The following THSD4 variants were observed in gnomAD, a reference collection of about 807,000 sequenced individuals.
The protein encoded by THSD4 is thrombospondin type 1 domain containing 4.
In THSD4, 69 loss-of-function variants were observed where a neutral mutation model predicts 119.0. The ratio of observed to expected loss-of-function variants is 0.58; its 90% CI spans 0.48 to 0.71. The LOEUF is 0.71. THSD4 is among the 30% of genes least tolerant of loss of function. The pLI is 0.00. For synonymous variants in THSD4, 524 were observed against 540.4 expected, an observed-to-expected ratio of 0.97 and a Z score of 0.42; for missense variants, 1,393 against 1,391.1, an observed-to-expected ratio of 1.00 and a Z score of -0.02.
In THSD4 at chr15:71,782,530, A is replaced by C. The variant is rs1395601831; in HGVS notation, c.*5156A>C. The C allele has an allele frequency of 1.3e-5, 2 of 152,214 alleles. No individual in the cohort carries two copies. The highest frequency in any genetic ancestry group is 2.9e-5 in the Non-Finnish European group (2 of 68,038). 9.4% of individuals were successfully genotyped at this position (152,214 alleles called of 1,614,324 possible). ...CACCAAAATAGTTCTATTATTTAGA[A>C]TGTGTTAATTTTAAAGGGACCTGAT... On this transcript the variant is annotated 3_prime_UTR_variant, in exon 18 of 18. Coordinates refer to ENST00000261862, the MANE Select transcript of THSD4 (RefSeq NM_024817.3).
intron 7 of THSD4, among the ~76,000 whole-genome samples, chr15:71,611,203 G>T (rs1427064857): frequency 1.3e-5 from 2 of 152,234 alleles, no homozygotes; most frequent in African/African-American, 4.8e-5. Flanking sequence ...AGCAGAGACA[G>T]CCAGTTTCAG....
At position 71,627,888 on chromosome 15, in the gene THSD4, G is replaced by T. The variant is rs192135859; in HGVS notation, c.1153-32642G>T. Among the ~76,000 whole-genome samples the T allele has an allele frequency of 1.5e-3, 222 of 152,284 alleles. 1 individual carries two copies. Among genetic ancestry groups the T allele is most frequent in the African/African-American group, 5.1e-3 (211 of 41,544 alleles). On this transcript the variant is annotated intron_variant, in intron 7 of 17. Transcript: ENST00000261862. ...CAATGAACAGGAACTTCATGTGGGG[G>T]TTACCAGCAGACTATGTTTTCAGGA...
intron 6 of THSD4, among the ~76,000 whole-genome samples, chr15:71,365,858 A>G (rs543335308): frequency 6.6e-6 from 1 of 152,332 alleles, no homozygotes; most frequent in East Asian, 1.9e-4. Context: ...CAAGACTCCT[A>G]GGACCACTGG....
intron 8 of THSD4, among the ~76,000 whole-genome samples, chr15:71,708,270 A>G (rs1012157738): frequency 6.6e-6 from 1 of 152,204 alleles, no homozygotes; most frequent in Non-Finnish European, 1.5e-5. Context: ...TTACACGATG[A>G]TAATAAAAAG....
chr15:71,106,139 G>T (rs2040273426), intron 1 of THSD4, among the ~76,000 whole-genome samples: 1 of 152,186 alleles, frequency 6.6e-6, no homozygotes, highest in Admixed American at 6.5e-5. Flanking sequence ...ATTGTGGAAG[G>T]TCTACAGGAG....
At chr15:71,762,629 CTT>C (rs1205131189) in intron 15 of THSD4, among the ~76,000 whole-genome samples, 1 of 152,226 alleles carries the variant, frequency 6.6e-6, no homozygotes, top group African/African-American at 2.4e-5. Flanking sequence ...GAGGCCAGAC[CTT>C]TGCCTGCTGC....
intron 14 of THSD4, among the ~76,000 whole-genome samples, chr15:71,749,697 T>TTTTTTTTTTTTA (rs748022578): frequency 7.3e-6 from 1 of 137,630 alleles, no homozygotes; most frequent in African/African-American, 2.7e-5. Flanking sequence ...ATTTTTAAAT[T>TTTTTTTTTTTTA]TTTATTTATT....
At chr15:71,321,938 G>A (rs541394609) in intron 6 of THSD4, among the ~76,000 whole-genome samples, 78 of 151,342 alleles carry the variant, frequency 5.2e-4, no homozygotes, top group Non-Finnish European at 1.0e-3. Flanking sequence ...ATAAAAGCCA[G>A]AGTCAACAAT....
chr15:71,459,160 CTTTTTTTT>C (rs372209662), intron 7 of THSD4, among the ~76,000 whole-genome samples: 44 of 128,876 alleles, frequency 3.4e-4, no homozygotes, highest in African/African-American at 9.8e-4. Context: ...TTCTTTTTTT[CTTTTTTTT>C]TTTTTTTTTT....
intron 1 of THSD4, among the ~76,000 whole-genome samples, chr15:71,133,462 CAAAT>C (rs1256559359): frequency 6.6e-6 from 1 of 152,166 alleles, no homozygotes; most frequent in Non-Finnish European, 1.5e-5. Flanking sequence ...AGAAATATAA[CAAAT>C]AAGTCTTTGA....
intron 7 of THSD4, among the ~76,000 whole-genome samples, chr15:71,516,862 ATACTC>A (rs1187209004): frequency 1.3e-5 from 2 of 152,234 alleles, no homozygotes; most frequent in Admixed American, 1.3e-4. Context: ...TATACACACT[ATACTC>A]TGAGGAATTA....
chr15:71,613,049 A>G (rs1418728254), intron 7 of THSD4, among the ~76,000 whole-genome samples: 2 of 152,190 alleles, frequency 1.3e-5, no homozygotes, highest in African/African-American at 4.8e-5. Context: ...TGTGAAATTC[A>G]CCTTGACTTA....
chr15:71,391,018 G>A (rs1319791476), intron 6 of THSD4, among the ~76,000 whole-genome samples: 1 of 138,676 alleles, frequency 7.2e-6, no homozygotes, highest in East Asian at 2.0e-4. Flanking sequence ...AAGCCACCAT[G>A]CCGGCTAATT....
chr15:71,405,320 TAA>T (rs1463783184), intron 6 of THSD4, among the ~76,000 whole-genome samples: 1 of 152,242 alleles, frequency 6.6e-6, no homozygotes, highest in Non-Finnish European at 1.5e-5. Context: ...AGTATAAACC[TAA>T]AAGCAGAATT....
At position 71,623,696 on chromosome 15, in the gene THSD4, C is replaced by T. The variant is rs112354692; in HGVS notation, c.1153-36834C>T. Reference sequence around the variant, plus strand: ...CCAGCACTTGAGAGGCCGAGGTGGGCGGGATCACCTGAGGTCAGGAGCTCA... The same window carrying T: ...CCAGCACTTGAGAGGCCGAGGTGGGTGGGATCACCTGAGGTCAGGAGCTCA... On this transcript the variant is annotated intron_variant, in intron 7 of 17. Coordinates refer to ENST00000261862, the MANE Select transcript of THSD4 (RefSeq NM_024817.3). Among the ~76,000 whole-genome samples the T allele has an allele frequency of 6.5e-3, 991 of 152,058 alleles. 4 individuals carry two copies. The highest frequency in any genetic ancestry group is 0.02 in the Middle Eastern group (6 of 294).
chr15:71,224,691 G>A lies in THSD4; in HGVS notation c.464+9292G>A, dbSNP rs80348197. ...CTTCTGGGGGCTTTGAGGAGAAACC[G>A]TGCCCTTCCCTTCTCCAGCTTTGAG... On this transcript the variant is annotated intron_variant, in intron 4 of 17. Coordinates refer to ENST00000261862, the MANE Select transcript of THSD4 (RefSeq NM_024817.3). Among the ~76,000 whole-genome samples the A allele has an allele frequency of 1.1e-4, 17 of 152,272 alleles. No homozygotes were observed. The East Asian group carries it at 2.7e-3, about 24-fold the overall frequency.
At chr15:71,100,557 C>T (rs1010111004) in intron 1 of THSD4, among the ~76,000 whole-genome samples, 7 of 152,204 alleles carry the variant, frequency 4.6e-5, no homozygotes. Flanking sequence ...GCCATGCCTG[C>T]ATTCCTGACC....
intron 1 of THSD4, among the ~76,000 whole-genome samples, chr15:71,135,313 T>G (rs1175655230): frequency 6.8e-6 from 1 of 147,968 alleles, no homozygotes; most frequent in Admixed American, 6.8e-5. Flanking sequence ...TGTATACATA[T>G]GTAACTAACC....
At position 71,460,317 on chromosome 15, in the gene THSD4, T is replaced by G. The variant is rs998311672; in HGVS notation, c.1152+48494T>G. Among the ~76,000 whole-genome samples, 8 of 151,000 alleles carry G rather than the reference T, an allele frequency of 5.3e-5. No individual in the cohort carries two copies. The South Asian group carries it at 1.1e-3, about 20-fold the overall frequency. On this transcript the variant is annotated intron_variant, in intron 7 of 17. Coordinates refer to ENST00000261862, the MANE Select transcript of THSD4 (RefSeq NM_024817.3). ...TACAAGTTGCCTGGTTTTTTTTTTT[T>G]TTTTTTTTTTGAAAGCATGCCATTG...
Sources: gnomAD v4.1 joint callset for allele counts (sites outside exome capture counted in the v4.1 genomes callset) on GRCh38, gnomAD v4.1.1 for gene constraint, MANE v1.5 for transcripts, NCBI Gene and HGNC (gene_info 2026-07-23, HGNC 2026-07-21) for gene names.